Variants in RBFOX3 observed in about 807,000 individuals in gnomAD.
The protein encoded by RBFOX3 is RNA binding fox-1 homolog 3.
A neutral mutation model predicts 48.7 loss-of-function variants in RBFOX3; 17 were observed. The observed-to-expected ratio is 0.35, with a 90% CI of 0.24 to 0.52. The LOEUF (loss-of-function observed/expected upper bound fraction) is 0.52, where lower values mean the gene tolerates loss of function less well. RBFOX3 is among the 20% of genes least tolerant of loss of function. The pLI, the probability that RBFOX3 is intolerant of heterozygous loss-of-function variation, is 0.94. For synonymous variants in RBFOX3, 212 were observed against 209.5 expected (o/e 1.01, Z -0.10); for missense variants, 382 against 497.5 (o/e 0.77, Z 2.21).
chr17:79,616,645 C>T, the RBFOX3 span, among the ~76,000 whole-genome samples: 5 of 151,874 alleles, frequency 3.3e-5, no homozygotes, highest in South Asian at 4.2e-4. Context: ...GGCCTGCTAC[C>T]GCTGTTGTAT....
chr17:79,610,350 G>T (rs1364533674), intron 1 of RBFOX3, among the ~76,000 whole-genome samples: 3 of 151,848 alleles, frequency 2.0e-5, no homozygotes, highest in African/African-American at 7.3e-5. Context: ...GGCTCCGGCT[G>T]CCTGCTCGGA....
At chr17:79,137,696 G>A (rs978299889) in intron 4 of RBFOX3, among the ~76,000 whole-genome samples, 1 of 152,168 alleles carries the variant, frequency 6.6e-6, no homozygotes, top group Admixed American at 6.5e-5. Context: ...TTCTTTTCCC[G>A]TTAGGCGCCT....
intron 2 of RBFOX3, among the ~76,000 whole-genome samples, chr17:79,369,393 G>A (rs542655506): frequency 8.2e-4 from 125 of 152,300 alleles, no homozygotes; most frequent in African/African-American, 2.8e-3. Flanking sequence ...GACCCTTGCC[G>A]TGACTGCTGG....
intron 1 of RBFOX3, among the ~76,000 whole-genome samples, chr17:79,583,342 G>A (rs1196936478): frequency 2.6e-5 from 4 of 152,200 alleles, no homozygotes; most frequent in African/African-American, 7.2e-5. Flanking sequence ...GAGAGTGAGC[G>A]CCACGGCAGG....
chr17:79,133,866 G>A (rs1206484787), intron 4 of RBFOX3, among the ~76,000 whole-genome samples: 1 of 152,224 alleles, frequency 6.6e-6, no homozygotes, highest in Non-Finnish European at 1.5e-5. Context: ...AGCGCTGGCT[G>A]TGAATATCGG....
chr17:79,555,463 A>G (rs1288211065), intron 1 of RBFOX3, among the ~76,000 whole-genome samples: 7 of 113,630 alleles, frequency 6.2e-5, no homozygotes, highest in Non-Finnish European at 9.7e-5. Context: ...AGTGATGATG[A>G]TGATGACAAT....
chr17:79,589,213 G>A (rs972373247), intron 1 of RBFOX3, among the ~76,000 whole-genome samples: 5 of 152,112 alleles, frequency 3.3e-5, no homozygotes, highest in East Asian at 1.9e-4. Flanking sequence ...ATCCTCTTGC[G>A]CTGCGGCAGG....
Position 79,332,709 on chromosome 17 carries a change from C to CGGAGACAGAG in RBFOX3, c.-174-24886_-174-24885insCTCTGTCTCC, listed in dbSNP as rs2080540983. Among the ~76,000 whole-genome samples the CGGAGACAGAG allele has an allele frequency of 2.7e-4, 31 of 116,294 alleles. 1 individual carries two copies. Among genetic ancestry groups the CGGAGACAGAG allele is most frequent in the Admixed American group, 2.3e-3 (26 of 11,248 alleles). The allele number at this position is 116,294 out of a possible 152,430, so 76.3% of individuals were successfully genotyped here. On this transcript the variant is annotated intron_variant, in intron 2 of 14. Transcript: ENST00000693108. ...AGAGACGGAGACAGAGAGAGAGAGACAGAAAGACAGAGCCTGAGAGACAAA... is the reference window on the plus strand; with the variant it reads ...AGAGACGGAGACAGAGAGAGAGAGACGGAGACAGAGAGAAAGACAGAGCCTGAGAGACAAA...
intron 4 of RBFOX3, among the ~76,000 whole-genome samples, chr17:79,161,379 A>G (rs145158200): frequency 4.3e-4 from 65 of 152,136 alleles, no homozygotes; most frequent in Non-Finnish European, 7.6e-4. Context: ...GAAGCACCGC[A>G]TGGCTCCAGC....
rs140206610 is a variant in RBFOX3, at chr17:79,285,242, C to A, written c.-74+22482G>T. On this transcript the variant is annotated intron_variant, in intron 3 of 14. Transcript: ENST00000693108. Reference sequence around the variant, plus strand: ...AGAAGCTGTCAGTGGCGCTGTCCCCCCTTTCTGCCCCAGCCAGGTGGATAG... The same window carrying A: ...AGAAGCTGTCAGTGGCGCTGTCCCCACTTTCTGCCCCAGCCAGGTGGATAG... 5.9e-5 allele frequency among the ~76,000 whole-genome samples: 9 copies of A among 152,338 alleles called. No individual in the cohort carries two copies. The South Asian group carries it at 8.3e-4, about 14-fold the overall frequency.
the RBFOX3 span, among the ~76,000 whole-genome samples, chr17:79,638,809 T>C: frequency 2.0e-5 from 3 of 152,204 alleles, no homozygotes; most frequent in Non-Finnish European, 4.4e-5. Flanking sequence ...ATGTGATCTC[T>C]GCACAAGCCA....
rs2061198105 is a variant in RBFOX3, at chr17:79,390,165, A to C, written c.-174-82341T>G. Among the ~76,000 whole-genome samples the C allele has an allele frequency of 1.3e-5, 2 of 152,368 alleles. No homozygotes were observed. Among genetic ancestry groups the C allele is most frequent in the South Asian group, 4.1e-4 (2 of 4,830 alleles). On this transcript the variant is annotated intron_variant, in intron 2 of 14. Coordinates refer to ENST00000693108, the MANE Select transcript of RBFOX3 (RefSeq NM_001350451.2). This position sits in a 1 kb window ranked among gnomAD's most constrained non-coding sequence, Gnocchi z 4.2. The stretch of plus-strand genomic sequence containing the variant: ...GGAGGACCAGCAGCAGTGAAGGGCA[A>C]GTCCACAGAGTTCTGAGGTGTCCAA...
At chr17:79,329,530 C>T (rs2079887252) in intron 2 of RBFOX3, among the ~76,000 whole-genome samples, 1 of 152,158 alleles carries the variant, frequency 6.6e-6, no homozygotes, top group South Asian at 2.1e-4. Flanking sequence ...CATTAAAGGG[C>T]CACTATATAA....
At chr17:79,372,696 G>A (rs1247372470) in intron 2 of RBFOX3, among the ~76,000 whole-genome samples, 1 of 152,094 alleles carries the variant, frequency 6.6e-6, no homozygotes, top group African/African-American at 2.4e-5. Context: ...GGACAGACGT[G>A]TGAGACACAC....
At chr17:79,329,561 T>G (rs1463213574) in intron 2 of RBFOX3, among the ~76,000 whole-genome samples, 1 of 152,140 alleles carries the variant, frequency 6.6e-6, no homozygotes, top group Non-Finnish European at 1.5e-5. Flanking sequence ...TTCCACACCG[T>G]GCCCTCTCCT....
intron 2 of RBFOX3, among the ~76,000 whole-genome samples, chr17:79,346,143 G>A (rs113054319): frequency 0.13 from 19,860 of 152,008 alleles, 1,573 homozygotes; most frequent in Middle Eastern, 0.19. Flanking sequence ...GGCTGGTCTC[G>A]AACTCCTGAC....
At chr17:79,100,662 A>G (rs1397259926) in intron 9 of RBFOX3, among the ~76,000 whole-genome samples, 3 of 152,182 alleles carry the variant, frequency 2.0e-5, no homozygotes, top group Non-Finnish European at 4.4e-5. Context: ...CATCCCGTCT[A>G]GGGGCAGCGC....
rs2058463806 is a variant in RBFOX3 at position 79,212,136 on chromosome 17, G to T, written c.-34+23630C>A. ...GGCCCACCTGGGCATCTTCGACCAT[G>T]CCAGGGACAAGACAGCAGAAAAATG... On this transcript the variant is annotated intron_variant, in intron 4 of 14. Transcript: ENST00000693108. This position sits in a 1 kb window ranked among gnomAD's most constrained non-coding sequence, Gnocchi z 4.7. Among the ~76,000 whole-genome samples, 1 of 152,224 alleles carries T rather than the reference G, an allele frequency of 6.6e-6. No individual in the cohort carries two copies. The highest frequency in any genetic ancestry group is 1.5e-5 in the Non-Finnish European group (1 of 68,036).
chr17:79,609,880 G>A (rs1164826093), intron 1 of RBFOX3, among the ~76,000 whole-genome samples: 6 of 151,836 alleles, frequency 4.0e-5, no homozygotes, highest in Non-Finnish European at 7.4e-5. Flanking sequence ...CCACCTTCCC[G>A]AGCGTGCGAG....
Sources: gnomAD v4.1 joint callset for allele counts (sites outside exome capture counted in the v4.1 genomes callset) on GRCh38, gnomAD v4.1.1 for gene constraint, Gnocchi (gnomAD v3.1) non-coding constraint, MANE v1.5 for transcripts, NCBI Gene and HGNC (gene_info 2026-07-23, HGNC 2026-07-21) for gene names.